GABPA: variants seen among roughly 807,000 people sequenced by gnomAD.
GABPA encodes the protein GA binding protein transcription factor subunit alpha.
A neutral mutation model predicts 59.4 loss-of-function variants in GABPA; 4 were observed. That is an observed-to-expected ratio of 0.07 (90% confidence interval 0.03 to 0.15). GABPA has a LOEUF of 0.15. GABPA is among the 10% of genes least tolerant of loss of function. GABPA has a pLI of 1.00. For synonymous variants in GABPA, 164 were observed against 183.1 expected (o/e 0.90, Z 0.84); for missense variants, 251 against 543.8 (o/e 0.46, Z 5.36).
chr21:25,746,616 G>A (rs2035372453), intron 3 of GABPA, among the ~76,000 whole-genome samples: 1 of 152,136 alleles, frequency 6.6e-6, no homozygotes, highest in Non-Finnish European at 1.5e-5. Context: ...TTGGTGGTGG[G>A]TAGGGAAGAT....
At position 25,762,470 on chromosome 21, in the gene GABPA, CA is replaced by C. The variant is rs201594697; in HGVS notation, c.802+106del. 434 of 710,398 alleles carry C rather than the reference CA, an allele frequency of 6.1e-4. 4 individuals are homozygous for C. In the East Asian group the frequency reaches 0.012, roughly 20 times the overall value. The allele number at this position is 710,398 out of a possible 1,614,324, so 44.0% of individuals were successfully genotyped here. On this transcript the variant is annotated intron_variant, in intron 7 of 9. Coordinates refer to ENST00000400075, the MANE Select transcript of GABPA (RefSeq NM_002040.4). ...TATTTAAAAAAATTTTTTTTCTACA[CA>C]CAAAATATCTTTTGTTCTGTGGAAT...
chr21:25,770,870 CATAT>C lies in GABPA; in HGVS notation c.*1639_*1642del, dbSNP rs2035996082. On this transcript the variant is annotated 3_prime_UTR_variant, in exon 10 of 10. Transcript: ENST00000400075. Reference sequence around the variant, plus strand: ...TACTAAAACATGTTCTCAATTCATTCATATTATTAAGCTCTTCCTGCAGTTGATA... The same window carrying C: ...TACTAAAACATGTTCTCAATTCATTCTATTAAGCTCTTCCTGCAGTTGATA... The C allele has an allele frequency of 3.3e-5, 5 of 151,958 alleles. No homozygotes were observed. The South Asian group carries it at 8.3e-4, about 25-fold the overall frequency. The allele number at this position is 151,958 out of a possible 1,614,324, so 9.4% of individuals were successfully genotyped here. A position where few individuals can be genotyped will look rare whatever the true frequency, so the allele number is the denominator to read the frequency against.
chr21:25,763,156 C>T, intron 7 of GABPA: 1 of 510,884 alleles, frequency 2.0e-6, no homozygotes, highest in South Asian at 1.6e-5. Context: ...GTTGCATTTT[C>T]TCTTGGCATG....
intron 7 of GABPA, 78 bp downstream of exon 7, chr21:25,762,443 A>G: frequency 1.8e-6 from 2 of 1,108,488 alleles, no homozygotes; most frequent in South Asian, 3.1e-5. Flanking sequence ...AAAAAGGAAA[A>G]TTATTTAAAA....
chr21:25,761,171 CAGTG>C (rs1371135792), intron 6 of GABPA, among the ~76,000 whole-genome samples: 3 of 152,132 alleles, frequency 2.0e-5, no homozygotes, highest in Admixed American at 6.6e-5. Flanking sequence ...CTGGATAAAA[CAGTG>C]AGGTTGTCAG....
intron 5 of GABPA, among the ~76,000 whole-genome samples, chr21:25,754,598 C>A (rs1185924075): frequency 6.6e-6 from 1 of 151,942 alleles, no homozygotes; most frequent in East Asian, 1.9e-4. Context: ...TCCTACTTCT[C>A]TGAGTATATT....
Position 25,735,145 on chromosome 21 carries a change from T to C in GABPA, c.-460T>C, listed in dbSNP as rs1054746083. The C allele has an allele frequency of 3.5e-5, 23 of 661,540 alleles. No homozygotes were observed. The South Asian group carries it at 3.9e-4, about 11-fold the overall frequency. 41.0% of individuals were successfully genotyped at this position (661,540 alleles called of 1,614,324 possible). A position where few individuals can be genotyped will look rare whatever the true frequency, so the allele number is the denominator to read the frequency against. On this transcript the variant is annotated 5_prime_UTR_variant, in exon 1 of 10. Coordinates refer to ENST00000400075, the MANE Select transcript of GABPA (RefSeq NM_002040.4). Reference sequence around the variant, plus strand: ...CTAATTTGACCCGTTCTTTTTCCCCTCCTTGAAACCTTGCTCTGTACGCAT... The same window carrying C: ...CTAATTTGACCCGTTCTTTTTCCCCCCCTTGAAACCTTGCTCTGTACGCAT...
chr21:25,740,461 C>T (rs944756629), intron 1 of GABPA, among the ~76,000 whole-genome samples: 7 of 152,134 alleles, frequency 4.6e-5, no homozygotes, highest in Admixed American at 2.0e-4. Flanking sequence ...GTATGGAATT[C>T]AAAGACATTC....
intron 5 of GABPA, among the ~76,000 whole-genome samples, chr21:25,754,069 C>G (rs7279635): frequency 0.2 from 30,901 of 152,076 alleles, 4,379 homozygotes; most frequent in African/African-American, 0.4. Context: ...AATCACACGT[C>G]AGCACTTGAA....
chr21:25,769,876 C>G lies in GABPA; in HGVS notation c.*644C>G, dbSNP rs1421586625. On this transcript the variant is annotated 3_prime_UTR_variant, in exon 10 of 10. Transcript: ENST00000400075. ...CAGGTTTAAATCTGGCTTATTAACT[C>G]AAGCCAATTTTAAGGATTTTCTGTA... is the stretch of plus-strand genomic sequence containing the variant. 1 of 152,568 alleles carries G rather than the reference C, an allele frequency of 6.6e-6. No individual in the cohort carries two copies. Among genetic ancestry groups the G allele is most frequent in the African/African-American group, 2.4e-5 (1 of 41,440 alleles). The allele number at this position is 152,568 out of a possible 1,614,324, so 9.5% of individuals were successfully genotyped here. A position where few individuals can be genotyped will look rare whatever the true frequency, so the allele number is the denominator to read the frequency against.
At chr21:25,741,713 TC>T (rs2035225642) in intron 2 of GABPA, 38 bp downstream of exon 2, 1 of 1,294,470 alleles carries the variant, frequency 7.7e-7, no homozygotes, top group African/African-American at 1.5e-5. Context: ...TTTCAAAATA[TC>T]AATATACCTA....
chr21:25,770,235 G>A lies in GABPA; in HGVS notation c.*1003G>A, dbSNP rs1047370221. The A allele has an allele frequency of 2.6e-5, 4 of 152,138 alleles. No homozygotes were observed. Among genetic ancestry groups the A allele is most frequent in the Non-Finnish European group, 5.9e-5 (4 of 67,952 alleles). 9.4% of individuals were successfully genotyped at this position (152,138 alleles called of 1,614,324 possible). A position where few individuals can be genotyped will look rare whatever the true frequency, so the allele number is the denominator to read the frequency against. On this transcript the variant is annotated 3_prime_UTR_variant, in exon 10 of 10. Coordinates refer to ENST00000400075, the MANE Select transcript of GABPA (RefSeq NM_002040.4). The stretch of plus-strand genomic sequence containing the variant: ...GCAAATAGTTTTAAAAGGAAAATAC[G>A]ACCTTTGTTATAGGCAGTCTTCTCT...
chr21:25,757,177 C>T (rs951457105), intron 5 of GABPA, among the ~76,000 whole-genome samples: 1 of 152,040 alleles, frequency 6.6e-6, no homozygotes, highest in African/African-American at 2.4e-5. Context: ...AATAGATCAT[C>T]TTCTTAAAGT....
intron 9 of GABPA, among the ~76,000 whole-genome samples, chr21:25,767,134 A>G (rs1202713226): frequency 1.3e-5 from 2 of 151,964 alleles, no homozygotes; most frequent in African/African-American, 2.4e-5. Context: ...AAAGCAGTCA[A>G]ATTACTATCA....
intron 7 of GABPA, among the ~76,000 whole-genome samples, chr21:25,762,777 A>G (rs1017834739): frequency 6.6e-6 from 1 of 152,230 alleles, no homozygotes; most frequent in Middle Eastern, 3.2e-3. Context: ...GTCCAAAACA[A>G]ACTTGAGGAG....
At chr21:25,741,865 T>G (rs1163662326) in intron 2 of GABPA, among the ~76,000 whole-genome samples, 190 bp downstream of exon 2, 1 of 152,172 alleles carries the variant, frequency 6.6e-6, no homozygotes, top group Non-Finnish European at 1.5e-5. Context: ...TTTAAACTAA[T>G]GGTAGTAAAA....
intron 2 of GABPA, 142 bp downstream of exon 2, chr21:25,741,817 C>G (rs2035229199): frequency 1.8e-6 from 1 of 553,936 alleles, no homozygotes; most frequent in African/African-American, 2.0e-5. Flanking sequence ...TTTATTTCCT[C>G]TGACTTAATG....
chr21:25,769,302 T>G lies in GABPA; in HGVS notation c.*70T>G, dbSNP rs1437685933. ...AGAGCAAGTATAGCTCTTACCTTTA[T>G]TACTGAATTTGAATCTTCTTTTATT... is the stretch of plus-strand genomic sequence containing the variant. On this transcript the variant is annotated 3_prime_UTR_variant, in exon 10 of 10. Transcript: ENST00000400075. The G allele has an allele frequency of 1.4e-6, 1 of 707,634 alleles. No individual in the cohort carries two copies. Among genetic ancestry groups the G allele is most frequent in the Non-Finnish European group, 2.5e-6 (1 of 405,196 alleles). The allele number at this position is 707,634 out of a possible 1,614,324, so 43.8% of individuals were successfully genotyped here.
intron 6 of GABPA, among the ~76,000 whole-genome samples, chr21:25,761,859 A>G (rs763554211): frequency 6.6e-6 from 1 of 152,234 alleles, no homozygotes; most frequent in African/African-American, 2.4e-5. Flanking sequence ...TAGAAGCATT[A>G]TAAAGCTTAA....
Sources: gnomAD v4.1 joint callset for allele counts (sites outside exome capture counted in the v4.1 genomes callset) on GRCh38, gnomAD v4.1.1 for gene constraint, MANE v1.5 for transcripts, NCBI Gene and HGNC (gene_info 2026-07-23, HGNC 2026-07-21) for gene names.